DLG2: variants seen among roughly 807,000 people sequenced by gnomAD.
DLG2 encodes discs large MAGUK scaffold protein 2.
A neutral mutation model predicts 132.5 loss-of-function variants in DLG2; 45 were observed. The ratio of observed to expected loss-of-function variants is 0.34; its 90% CI spans 0.27 to 0.44. DLG2 has a LOEUF of 0.44. Among genes scored for constraint, DLG2 ranks in the 20% least tolerant of loss-of-function variants. The probability of loss-of-function intolerance (pLI) is 1.00; values close to 1 mark genes in which losing one functional copy is unlikely to be tolerated. For synonymous variants in DLG2, 424 were observed against 419.6 expected (o/e 1.01, Z -0.13); for missense variants, 1,045 against 1,196.9 (o/e 0.87, Z 1.87).
intron 9 of DLG2, among the ~76,000 whole-genome samples, chr11:84,160,757 C>T (rs1003651280): frequency 6.6e-6 from 1 of 152,120 alleles, no homozygotes; most frequent in Non-Finnish European, 1.5e-5. Context: ...GTAATGGAGT[C>T]TAGGTAACAA....
intron 7 of DLG2, among the ~76,000 whole-genome samples, chr11:84,524,764 C>G (rs1286560208): frequency 6.6e-6 from 1 of 151,180 alleles, no homozygotes; most frequent in African/African-American, 2.4e-5. Context: ...AACATTATGT[C>G]TAGAAAGGAA....
At chr11:84,936,124 G>A (rs2048716832) in intron 6 of DLG2, among the ~76,000 whole-genome samples, 1 of 152,118 alleles carries the variant, frequency 6.6e-6, no homozygotes. Context: ...AATGAATGAA[G>A]CTGTTACCTA....
chr11:85,495,600 A>G (rs2093652394), intron 3 of DLG2, among the ~76,000 whole-genome samples: 1 of 152,226 alleles, frequency 6.6e-6, no homozygotes, highest in Non-Finnish European at 1.5e-5. Context: ...CATGCCAGTT[A>G]GAATGGTGAT....
chr11:85,211,950 T>C (rs530562188), intron 4 of DLG2, among the ~76,000 whole-genome samples: 1 of 152,242 alleles, frequency 6.6e-6, no homozygotes, highest in Admixed American at 6.5e-5. Context: ...TGAATGGCTG[T>C]ATAAAATAAT....
chr11:84,435,460 C>T (rs578049809), intron 7 of DLG2, among the ~76,000 whole-genome samples: 1 of 152,152 alleles, frequency 6.6e-6, no homozygotes, highest in African/African-American at 2.4e-5. Flanking sequence ...TTTCATGTTG[C>T]TTATCATGAC....
In DLG2 at chr11:83,581,490, CA is replaced by C. The variant is rs374493355; in HGVS notation, c.1941-39633del. On this transcript the variant is annotated intron_variant, in intron 19 of 27. Transcript: ENST00000376104. ...AAGAGGAAATAACATTATTTCAGCT[CA>C]AAAAAAAATACATTCTTGCAAGAAG... Among the ~76,000 whole-genome samples the C allele has an allele frequency of 5.8e-4, 87 of 149,662 alleles. 1 individual carries two copies. Among genetic ancestry groups the C allele is most frequent in the Middle Eastern group, 3.4e-3 (1 of 294 alleles).
intron 6 of DLG2, among the ~76,000 whole-genome samples, chr11:84,653,265 T>C (rs2099684319): frequency 6.6e-6 from 1 of 152,154 alleles, no homozygotes; most frequent in Admixed American, 6.5e-5. Context: ...GTAGATGTGA[T>C]TCCAGACTTG....
chr11:83,856,984 C>A (rs1242800588), intron 16 of DLG2, among the ~76,000 whole-genome samples: 1 of 152,058 alleles, frequency 6.6e-6, no homozygotes, highest in East Asian at 1.9e-4. Flanking sequence ...TTTAATCCAT[C>A]TTGATTTATT....
At chr11:83,940,219 C>A (rs1452579766) in intron 14 of DLG2, among the ~76,000 whole-genome samples, 7 of 152,170 alleles carry the variant, frequency 4.6e-5, no homozygotes, top group African/African-American at 1.7e-4. Context: ...ATTAGAAAGT[C>A]CCTGGTTTCT....
intron 6 of DLG2, among the ~76,000 whole-genome samples, chr11:85,099,055 G>T (rs2070408166): frequency 6.6e-6 from 1 of 152,172 alleles, no homozygotes; most frequent in Admixed American, 6.5e-5. Context: ...ACCTCCTTGA[G>T]GAGCTACAGC....
intron 4 of DLG2, among the ~76,000 whole-genome samples, chr11:85,256,826 T>C (rs1202779322): frequency 2.6e-5 from 4 of 152,224 alleles, no homozygotes; most frequent in African/African-American, 9.6e-5. Context: ...ATCATTGTTA[T>C]CAATACTTTC....
chr11:85,067,632 A>G (rs1345632303), intron 6 of DLG2, among the ~76,000 whole-genome samples: 6 of 151,936 alleles, frequency 3.9e-5, no homozygotes, highest in Admixed American at 6.6e-5. Flanking sequence ...TCTGAAATTG[A>G]GGCAATAATT....
intron 3 of DLG2, among the ~76,000 whole-genome samples, chr11:85,375,075 T>C (rs1645449412): frequency 6.6e-6 from 1 of 152,126 alleles, no homozygotes; most frequent in Non-Finnish European, 1.5e-5. Context: ...TTTTTTCCCT[T>C]TGTTCCTTCT....
intron 18 of DLG2, among the ~76,000 whole-genome samples, chr11:83,785,349 C>T (rs372490481): frequency 2.0e-5 from 3 of 152,296 alleles, no homozygotes; most frequent in South Asian, 4.1e-4. Flanking sequence ...CCACCGCACA[C>T]GGCCTATGAT....
chr11:83,482,968 T>C (rs1439951289), intron 22 of DLG2, among the ~76,000 whole-genome samples: 2 of 152,136 alleles, frequency 1.3e-5, no homozygotes, highest in Non-Finnish European at 1.5e-5. Context: ...CAAGTGATGC[T>C]ATGGTGGGCA....
chr11:85,295,250 T>C (rs555191735), intron 3 of DLG2, among the ~76,000 whole-genome samples: 1 of 152,174 alleles, frequency 6.6e-6, no homozygotes, highest in Non-Finnish European at 1.5e-5. Flanking sequence ...TAACTATATG[T>C]AATCTGTATG....
At chr11:83,702,220 CAG>C (rs2083082720) in intron 18 of DLG2, among the ~76,000 whole-genome samples, 2 of 152,118 alleles carry the variant, frequency 1.3e-5, no homozygotes, top group South Asian at 4.1e-4. Flanking sequence ...AAAGGATTAA[CAG>C]TGTCAGTACT....
At chr11:84,797,329 C>T (rs2153951358) in intron 6 of DLG2, among the ~76,000 whole-genome samples, 1 of 152,278 alleles carries the variant, frequency 6.6e-6, no homozygotes, top group South Asian at 2.1e-4. Context: ...ACCCCAAACT[C>T]TCTATCTTCC....
intron 17 of DLG2, among the ~76,000 whole-genome samples, chr11:83,827,128 G>T (rs894928533): frequency 4.6e-5 from 7 of 152,152 alleles, no homozygotes; most frequent in Non-Finnish European, 1.0e-4. Context: ...AAGGGATGAG[G>T]TCTGGCGGCT....
Sources: allele counts gnomAD v4.1 joint callset (sites outside exome capture counted in the v4.1 genomes callset), GRCh38; gene constraint gnomAD v4.1.1; transcripts MANE v1.5; gene names NCBI Gene and HGNC (gene_info 2026-07-23, HGNC 2026-07-21).